SPAG16: variants seen among roughly 807,000 people sequenced by gnomAD.
The protein encoded by SPAG16 is sperm associated antigen 16.
A neutral mutation model predicts 80.4 loss-of-function variants in SPAG16; 86 were observed. That is an observed-to-expected ratio of 1.07 (90% CI 0.90 to 1.28). The LOEUF is 1.28. Among genes scored for constraint, SPAG16 ranks in the 50% most tolerant of loss-of-function variants. The pLI, the probability that SPAG16 is intolerant of heterozygous loss-of-function variation, is 0.00. For missense variants in SPAG16, 870 were observed against 765.3 expected, an observed-to-expected ratio of 1.14 and a Z score of -1.61; for synonymous variants, 294 against 265.9, an observed-to-expected ratio of 1.11 and a Z score of -1.03.
chr2:214,138,158 A>G (rs896946286), intron 14 of SPAG16, among the ~76,000 whole-genome samples: 4 of 152,102 alleles, frequency 2.6e-5, no homozygotes, highest in African/African-American at 9.7e-5. Flanking sequence ...GCAAAGTCCA[A>G]AGGAATGGCC....
chr2:213,534,750 G>T (rs2076184408), intron 10 of SPAG16, among the ~76,000 whole-genome samples: 1 of 152,088 alleles, frequency 6.6e-6, no homozygotes, highest in Admixed American at 6.6e-5. Context: ...TGAAAGGAAA[G>T]AGACACATTT....
At chr2:213,484,891 T>C (rs756453839) in intron 9 of SPAG16, among the ~76,000 whole-genome samples, 44 of 152,216 alleles carry the variant, frequency 2.9e-4, no homozygotes, top group Non-Finnish European at 1.0e-4. Context: ...TATCTCTGAA[T>C]AAAGTGTAGT....
At chr2:213,297,920 A>G (rs967552303) in intron 3 of SPAG16, among the ~76,000 whole-genome samples, 1 of 152,168 alleles carries the variant, frequency 6.6e-6, no homozygotes, top group African/African-American at 2.4e-5. Context: ...AAATATTTTT[A>G]AAAATGTTTT....
chr2:213,875,901 G>A (rs1223415248), intron 11 of SPAG16, among the ~76,000 whole-genome samples: 1 of 152,052 alleles, frequency 6.6e-6, no homozygotes, highest in Non-Finnish European at 1.5e-5. Flanking sequence ...AAGACTTACT[G>A]TAGTTACATT....
chr2:214,001,639 A>G (rs1456284858), intron 12 of SPAG16, among the ~76,000 whole-genome samples: 2 of 152,200 alleles, frequency 1.3e-5, no homozygotes, highest in African/African-American at 4.8e-5. Context: ...ATATTCAGGT[A>G]AAATAATATT....
At chr2:213,828,750 C>A (rs890579038) in intron 10 of SPAG16, among the ~76,000 whole-genome samples, 1 of 152,194 alleles carries the variant, frequency 6.6e-6, no homozygotes, top group Non-Finnish European at 1.5e-5. Context: ...TTAGGGAGTA[C>A]CCAAAGCCCC....
Position 214,278,189 on chromosome 2 carries a change from G to A in SPAG16, c.1720+128923G>A, listed in dbSNP as rs564274196. Among the ~76,000 whole-genome samples, 35 of 152,226 alleles carry A rather than the reference G, an allele frequency of 2.3e-4. No homozygotes were observed. The South Asian group carries it at 2.7e-3, about 12-fold the overall frequency. On this transcript the variant is annotated intron_variant, in intron 15 of 15. Transcript: ENST00000331683. The stretch of plus-strand genomic sequence containing the variant: ...GGTTGGAAAAGCACAGTATTTAGGC[G>A]GGAGTGCCCCATTTTTCCAGGTACA...
At chr2:213,634,590 T>C (rs1016492545) in intron 10 of SPAG16, among the ~76,000 whole-genome samples, 4 of 152,148 alleles carry the variant, frequency 2.6e-5, no homozygotes, top group African/African-American at 9.7e-5. Context: ...CCCTTTAGCA[T>C]TACTTTTTAT....
At chr2:213,616,193 T>C (rs758859787) in intron 10 of SPAG16, among the ~76,000 whole-genome samples, 3 of 152,258 alleles carry the variant, frequency 2.0e-5, no homozygotes, top group Non-Finnish European at 2.9e-5. Context: ...GCCATTTTTC[T>C]AGCTCTTTTC....
At chr2:213,662,072 AC>A (rs1241753013) in intron 10 of SPAG16, among the ~76,000 whole-genome samples, 1 of 151,694 alleles carries the variant, frequency 6.6e-6, no homozygotes, top group Non-Finnish European at 1.5e-5. Context: ...CTTATTAAAA[AC>A]CTTCTCCAGG....
chr2:213,766,835 G>C (rs1256063326), intron 10 of SPAG16, among the ~76,000 whole-genome samples: 2 of 152,224 alleles, frequency 1.3e-5, no homozygotes, highest in Admixed American at 6.5e-5. Flanking sequence ...TAGCTAGCTA[G>C]AGAGGACTGA....
chr2:214,102,884 A>C (rs561495706), intron 13 of SPAG16, among the ~76,000 whole-genome samples: 1 of 152,178 alleles, frequency 6.6e-6, no homozygotes, highest in South Asian at 2.1e-4. Flanking sequence ...AAGCGGGCTC[A>C]TGAAGGATCA....
intron 12 of SPAG16, among the ~76,000 whole-genome samples, chr2:213,951,845 G>A (rs753012901): frequency 6.6e-6 from 1 of 152,044 alleles, no homozygotes; most frequent in Non-Finnish European, 1.5e-5. Context: ...GTATAACTGA[G>A]GATGTTTTGA....
At chr2:214,222,875 T>C (rs1305470911) in intron 15 of SPAG16, among the ~76,000 whole-genome samples, 2 of 152,226 alleles carry the variant, frequency 1.3e-5, no homozygotes, top group East Asian at 3.9e-4. Flanking sequence ...CCTTGGGTTA[T>C]ATTTTTTAAA....
intron 15 of SPAG16, among the ~76,000 whole-genome samples, chr2:214,162,711 G>T (rs1008295252): frequency 3.9e-5 from 6 of 151,994 alleles, no homozygotes; most frequent in Non-Finnish European, 7.4e-5. Context: ...TGTTTTTGTT[G>T]CCGTGATGTT....
At chr2:213,381,434 C>T (rs1461588244) in intron 9 of SPAG16, among the ~76,000 whole-genome samples, 1 of 152,178 alleles carries the variant, frequency 6.6e-6, no homozygotes, top group Non-Finnish European at 1.5e-5. Flanking sequence ...GGTACGGTGC[C>T]ATAACAACGG....
chr2:213,708,654 A>T (rs894179123), intron 10 of SPAG16, among the ~76,000 whole-genome samples: 23 of 152,168 alleles, frequency 1.5e-4, no homozygotes, highest in African/African-American at 5.3e-4. Flanking sequence ...TCTACTAAAA[A>T]TACAAAAAAA....
At chr2:214,037,195 GAGAT>G (rs1305900500) in intron 13 of SPAG16, among the ~76,000 whole-genome samples, 1 of 150,878 alleles carries the variant, frequency 6.6e-6, no homozygotes, top group Non-Finnish European at 1.5e-5. Context: ...CATATAAATA[GAGAT>G]AGATAGTATG....
chr2:214,084,832 G>A (rs367943786), intron 13 of SPAG16, among the ~76,000 whole-genome samples: 1 of 152,132 alleles, frequency 6.6e-6, no homozygotes, highest in Non-Finnish European at 1.5e-5. Context: ...TCTTGCCAAG[G>A]AATATTTTAT....
Sources: gnomAD v4.1 joint callset for allele counts (sites outside exome capture counted in the v4.1 genomes callset) on GRCh38, gnomAD v4.1.1 for gene constraint, MANE v1.5 for transcripts, NCBI Gene and HGNC (gene_info 2026-07-23, HGNC 2026-07-21) for gene names.